The following CDK8 variants were observed in gnomAD, a reference collection of about 807,000 sequenced individuals.
The protein encoded by CDK8 is cyclin-dependent kinase 8.
Under a neutral mutation model 71.5 loss-of-function variants are expected in CDK8, and 29 were observed. The observed-to-expected ratio is 0.41, with a 90% CI of 0.30 to 0.55. The LOEUF (loss-of-function observed/expected upper bound fraction) is 0.55, where lower values mean the gene tolerates loss of function less well. CDK8 is among the 20% of genes least tolerant of loss of function. The pLI, the probability that CDK8 is intolerant of heterozygous loss-of-function variation, is 0.37. For synonymous variants in CDK8, 161 were observed against 192.1 expected (o/e 0.84, Z 1.34); for missense variants, 288 against 572.6 (o/e 0.50, Z 5.07).
At chr13:26,327,501 A>G (rs965639882) in intron 1 of CDK8, among the ~76,000 whole-genome samples, 3 of 152,186 alleles carry the variant, frequency 2.0e-5, no homozygotes, top group Admixed American at 1.3e-4. Context: ...CATGATACCC[A>G]AGGTAAGAAA....
chr13:26,379,582 A>G (rs1875119703), intron 4 of CDK8, among the ~76,000 whole-genome samples: 1 of 152,144 alleles, frequency 6.6e-6, no homozygotes, highest in Non-Finnish European at 1.5e-5. Flanking sequence ...CTGCTGAATG[A>G]GTAAGAAAGT....
intron 1 of CDK8, among the ~76,000 whole-genome samples, chr13:26,258,280 T>G (rs1871617408): frequency 6.6e-6 from 1 of 152,102 alleles, no homozygotes; most frequent in Non-Finnish European, 1.5e-5. Flanking sequence ...ATATATTGAA[T>G]AAGTAAAAAA....
At chr13:26,263,929 A>G (rs946907113) in intron 1 of CDK8, among the ~76,000 whole-genome samples, 2 of 151,050 alleles carry the variant, frequency 1.3e-5, no homozygotes, top group Non-Finnish European at 2.9e-5. Flanking sequence ...TTGTACTTTT[A>G]GTAGAGACGG....
At chr13:26,322,479 C>A (rs1241900331) in intron 1 of CDK8, among the ~76,000 whole-genome samples, 1 of 151,978 alleles carries the variant, frequency 6.6e-6, no homozygotes, top group Non-Finnish European at 1.5e-5. Flanking sequence ...TACAGTGAGT[C>A]CTTAATCCAC....
intron 1 of CDK8, among the ~76,000 whole-genome samples, chr13:26,292,978 A>T (rs890950587): frequency 3.3e-5 from 5 of 152,150 alleles, no homozygotes; most frequent in African/African-American, 1.2e-4. Context: ...CAGTCCTGAG[A>T]TGTAGGACTG....
At chr13:26,276,317 T>C (rs1405830187) in intron 1 of CDK8, among the ~76,000 whole-genome samples, 2 of 152,222 alleles carry the variant, frequency 1.3e-5, no homozygotes, top group Non-Finnish European at 2.9e-5. Flanking sequence ...GATTTGGGAT[T>C]GACATACATG....
At chr13:26,388,813 G>A (rs1875602035) in intron 6 of CDK8, among the ~76,000 whole-genome samples, 1 of 152,160 alleles carries the variant, frequency 6.6e-6, no homozygotes, top group South Asian at 2.1e-4. Context: ...CCCAATGGCT[G>A]TATGATTTGG....
chr13:26,352,912 C>T (rs565000870), intron 3 of CDK8, among the ~76,000 whole-genome samples: 15 of 152,214 alleles, frequency 9.9e-5, no homozygotes, highest in Non-Finnish European at 2.2e-4. Context: ...CAAGAACATG[C>T]TTAATATTTA....
At chr13:26,378,456 G>T (rs931536540) in intron 4 of CDK8, among the ~76,000 whole-genome samples, 1 of 152,064 alleles carries the variant, frequency 6.6e-6, no homozygotes, top group Non-Finnish European at 1.5e-5. Flanking sequence ...GAAAAGCCTG[G>T]GAGAAATAAA....
In CDK8 at chr13:26,285,591, A is replaced by G. The variant is rs113128176; in HGVS notation, c.128+30822A>G. Among the ~76,000 whole-genome samples the G allele has an allele frequency of 5.9e-3, 902 of 152,338 alleles. 10 individuals carry two copies. The highest frequency in any genetic ancestry group is 0.021 in the African/African-American group (854 of 41,564). On this transcript the variant is annotated intron_variant, in intron 1 of 12. Transcript: ENST00000381527. ...CCCTGAGAACTGGAACAAGACAAGG[A>G]TGCTCACTTTCACCACTTCCATTCG... is the stretch of plus-strand genomic sequence containing the variant.
At chr13:26,337,480 G>C in intron 1 of CDK8, 87 bp from the exon 2 acceptor site, 1 of 499,352 alleles carries the variant, frequency 2.0e-6, no homozygotes, top group Non-Finnish European at 3.3e-6. Flanking sequence ...TGTATTAAAC[G>C]TGATTTATAT....
intron 1 of CDK8, among the ~76,000 whole-genome samples, chr13:26,264,768 C>T (rs192242438): frequency 2.0e-5 from 3 of 152,294 alleles, no homozygotes; most frequent in Non-Finnish European, 2.9e-5. Flanking sequence ...CTATTTTTCA[C>T]TGTCTACATC....
At chr13:26,383,062 G>C (rs1475323337) in intron 5 of CDK8, among the ~76,000 whole-genome samples, 191 bp downstream of exon 5, 1 of 152,156 alleles carries the variant, frequency 6.6e-6, no homozygotes, top group African/African-American at 2.4e-5. Context: ...CACTCCTAAA[G>C]ACTGAAGCAT....
intron 1 of CDK8, among the ~76,000 whole-genome samples, chr13:26,280,864 A>G (rs913521179): frequency 2.0e-5 from 3 of 152,200 alleles, no homozygotes; most frequent in Admixed American, 6.5e-5. Flanking sequence ...CAGCATGTGG[A>G]GACTCACACT....
chr13:26,363,623 G>A (rs1874251405), intron 4 of CDK8, among the ~76,000 whole-genome samples: 2 of 152,008 alleles, frequency 1.3e-5, no homozygotes, highest in Admixed American at 6.6e-5. Flanking sequence ...TTCTGCCTTG[G>A]CCTCCCAAAG....
chr13:26,328,084 C>A (rs574878594), intron 1 of CDK8, among the ~76,000 whole-genome samples: 4 of 151,528 alleles, frequency 2.6e-5, no homozygotes, highest in East Asian at 1.9e-4. Context: ...CTAAAGCATT[C>A]GGACCAAACT....
At chr13:26,375,450 C>G (rs1427236507) in intron 4 of CDK8, among the ~76,000 whole-genome samples, 1 of 152,166 alleles carries the variant, frequency 6.6e-6, no homozygotes, top group East Asian at 1.9e-4. Context: ...TACAGACACC[C>G]TTTTATATTG....
At chr13:26,304,374 A>T (rs1253530250) in intron 1 of CDK8, among the ~76,000 whole-genome samples, 2 of 151,796 alleles carry the variant, frequency 1.3e-5, no homozygotes, top group African/African-American at 4.8e-5. Flanking sequence ...TTTACCTAGT[A>T]TTTCATTTAA....
At chr13:26,352,587 T>C (rs1873728999) in intron 3 of CDK8, among the ~76,000 whole-genome samples, 1 of 152,166 alleles carries the variant, frequency 6.6e-6, no homozygotes, top group Admixed American at 6.5e-5. Context: ...CAAAACAGCC[T>C]AGATTATTAA....
Sources: allele counts gnomAD v4.1 joint callset (sites outside exome capture counted in the v4.1 genomes callset), GRCh38; gene constraint gnomAD v4.1.1; transcripts MANE v1.5; gene names NCBI Gene and HGNC (gene_info 2026-07-23, HGNC 2026-07-21).